The following IL1RAPL2 variants were observed in gnomAD, a reference collection of about 807,000 sequenced individuals.
IL1RAPL2 encodes the protein interleukin 1 receptor accessory protein like 2, also known as X-linked interleukin-1 receptor accessory protein-like 2.
In IL1RAPL2, 3 loss-of-function variants were observed where a neutral mutation model predicts 44.1. The ratio of observed to expected loss-of-function variants is 0.07; its 90% confidence interval spans 0.03 to 0.18. IL1RAPL2 has a LOEUF of 0.18. IL1RAPL2 is among the 10% of genes least tolerant of loss of function. IL1RAPL2 has a pLI of 1.00. For missense variants in IL1RAPL2, 391 were observed against 496.4 expected, an observed-to-expected ratio of 0.79 and a Z score of 2.02; for synonymous variants, 181 against 178.8, an observed-to-expected ratio of 1.01 and a Z score of -0.10.
rs542258554 is a variant in IL1RAPL2 at position 105,071,953 on chromosome X, T to C, written c.83-123522T>C. Among the ~76,000 whole-genome samples the C allele has an allele frequency of 5.3e-4, 60 of 112,169 alleles. No homozygotes were observed. In the South Asian group the frequency reaches 0.022, roughly 40 times the overall value. On this transcript the variant is annotated intron_variant, in intron 2 of 10. Coordinates refer to ENST00000372582, the MANE Select transcript of IL1RAPL2 (RefSeq NM_017416.2). ...GGGGAAAAGCTTCTTGACATTGGTC[T>C]GAGCAAAGATTGTTTTGGAGATGAC...
At chrX:105,636,825 T>G (rs763635928) in intron 6 of IL1RAPL2, among the ~76,000 whole-genome samples, 1 of 111,023 alleles carries the variant, frequency 9.0e-6, no homozygotes, top group Non-Finnish European at 1.9e-5. Context: ...GGAGGTGATA[T>G]TTGAGATGAG....
chrX:105,731,129 G>A (rs1038957743), intron 7 of IL1RAPL2, among the ~76,000 whole-genome samples: 1 of 110,564 alleles, frequency 9.0e-6, no homozygotes, highest in Non-Finnish European at 1.9e-5. Context: ...CCACTAGCTA[G>A]ACTAACCAAG....
intron 2 of IL1RAPL2, among the ~76,000 whole-genome samples, chrX:104,914,900 C>A (rs1228843459): frequency 3.6e-5 from 4 of 111,567 alleles, no homozygotes; most frequent in Admixed American, 1.9e-4. Context: ...TGAACTCATC[C>A]TTTTTTATGG....
At chrX:105,442,094 A>G (rs1357997240) in intron 5 of IL1RAPL2, among the ~76,000 whole-genome samples, 6 of 109,745 alleles carry the variant, frequency 5.5e-5, no homozygotes, top group African/African-American at 1.7e-4. Flanking sequence ...TCTGTTGCCC[A>G]GGCTGGAGTG....
At chrX:105,737,021 A>G (rs1405073250) in intron 7 of IL1RAPL2, among the ~76,000 whole-genome samples, 1 of 91,439 alleles carries the variant, frequency 1.1e-5, no homozygotes, top group Non-Finnish European at 2.2e-5. Flanking sequence ...AATGTGCTAC[A>G]TATACACCAT....
chrX:104,973,206 A>G (rs770536163), intron 2 of IL1RAPL2, among the ~76,000 whole-genome samples: 15 of 111,746 alleles, frequency 1.3e-4, no homozygotes, highest in Non-Finnish European at 2.6e-4. Flanking sequence ...TAACTCCCTG[A>G]TACCTGTCAT....
chrX:104,938,189 G>A (rs1184147357), intron 2 of IL1RAPL2, among the ~76,000 whole-genome samples: 1 of 112,162 alleles, frequency 8.9e-6, no homozygotes, highest in Non-Finnish European at 1.9e-5. Context: ...ATTTTGGGCA[G>A]GAAGCACTTG....
intron 3 of IL1RAPL2, among the ~76,000 whole-genome samples, chrX:105,200,557 C>T (rs952309940): frequency 1.8e-5 from 2 of 112,150 alleles, no homozygotes; most frequent in Non-Finnish European, 3.8e-5. Context: ...CAAGGGGTGA[C>T]TTAAGCTGTG....
intron 5 of IL1RAPL2, among the ~76,000 whole-genome samples, chrX:105,344,402 G>A (rs2035094563): frequency 9.0e-6 from 1 of 111,409 alleles, no homozygotes; most frequent in Non-Finnish European, 1.9e-5. Flanking sequence ...TGTAAATTAG[G>A]ATAATGATGG....
At chrX:105,036,547 A>G (rs1333151117) in intron 2 of IL1RAPL2, among the ~76,000 whole-genome samples, 3 of 112,084 alleles carry the variant, frequency 2.7e-5, no homozygotes, top group Admixed American at 9.5e-5. Context: ...ATTTACTAAA[A>G]TAAAATAAAA....
intron 2 of IL1RAPL2, among the ~76,000 whole-genome samples, chrX:104,813,750 C>T (rs1921061912): frequency 9.0e-6 from 1 of 111,519 alleles, no homozygotes; most frequent in Non-Finnish European, 1.9e-5. Context: ...ATGCCAGTGA[C>T]CTCTGCTGCC....
At chrX:105,736,549 G>A (rs1227670324) in intron 7 of IL1RAPL2, among the ~76,000 whole-genome samples, 2 of 109,747 alleles carry the variant, frequency 1.8e-5, no homozygotes, top group Non-Finnish European at 3.8e-5. Context: ...CCATAAAAAA[G>A]TGGGCAAAGA....
chrX:105,703,188 T>C (rs760395984), intron 6 of IL1RAPL2, among the ~76,000 whole-genome samples: 1 of 111,218 alleles, frequency 9.0e-6, no homozygotes, highest in South Asian at 3.8e-4. Context: ...CACTGTAAGA[T>C]GGTTAGAAGA....
intron 2 of IL1RAPL2, among the ~76,000 whole-genome samples, chrX:104,853,025 A>T (rs959403288): frequency 5.4e-5 from 6 of 111,788 alleles, no homozygotes; most frequent in Non-Finnish European, 9.4e-5. Flanking sequence ...GGGAAATCAA[A>T]ATCCCCTTTG....
At chrX:104,627,447 C>T (rs1006792941) in intron 1 of IL1RAPL2, among the ~76,000 whole-genome samples, 23 of 108,485 alleles carry the variant, frequency 2.1e-4, no homozygotes, top group Non-Finnish European at 3.6e-4. Flanking sequence ...CAAACCTGCA[C>T]ATTGTGCACA....
At chrX:105,357,881 A>G (rs1415138300) in intron 5 of IL1RAPL2, among the ~76,000 whole-genome samples, 1 of 108,377 alleles carries the variant, frequency 9.2e-6, no homozygotes, top group Non-Finnish European at 1.9e-5. Flanking sequence ...GTGGTGGCTC[A>G]TACCTGTAAT....
chrX:104,575,217 C>A (rs1053625029), intron 1 of IL1RAPL2, among the ~76,000 whole-genome samples: 6 of 110,610 alleles, frequency 5.4e-5, no homozygotes, highest in Non-Finnish European at 1.1e-4. Flanking sequence ...ATCAATAGAG[C>A]ATTTTACATA....
intron 6 of IL1RAPL2, among the ~76,000 whole-genome samples, chrX:105,588,716 G>A (rs1018094300): frequency 8.9e-6 from 1 of 111,807 alleles, no homozygotes; most frequent in African/African-American, 3.3e-5. Context: ...CAAATGACAT[G>A]ATCTCATTTT....
chrX:104,754,626 G>A (rs938762602), intron 2 of IL1RAPL2, among the ~76,000 whole-genome samples: 3 of 111,639 alleles, frequency 2.7e-5, no homozygotes, highest in South Asian at 7.4e-4. Context: ...CTCCCATTAC[G>A]ATGAAATTGG....
Sources: allele counts gnomAD v4.1 joint callset (sites outside exome capture counted in the v4.1 genomes callset), GRCh38; gene constraint gnomAD v4.1.1; transcripts MANE v1.5; gene names NCBI Gene and HGNC (gene_info 2026-07-23, HGNC 2026-07-21).